The following ZNF462 variants were observed in gnomAD, a reference collection of about 807,000 sequenced individuals.
ZNF462 encodes the protein zinc finger PBX1-interacting protein.
In ZNF462, 10 loss-of-function variants were observed where a neutral mutation model predicts 201.9. The ratio of observed to expected loss-of-function variants is 0.05; its 90% CI spans 0.03 to 0.08. The LOEUF (loss-of-function observed/expected upper bound fraction) is 0.08. ZNF462 is among the 10% of genes least tolerant of loss of function. The pLI is 1.00. For synonymous variants in ZNF462, 1,227 were observed against 1,193.3 expected (o/e 1.03, Z -0.58); for missense variants, 2,523 against 3,168.3 (o/e 0.80, Z 4.89).
rs1175492056 is a variant in ZNF462 at position 107,008,111 on chromosome 9, T to A, written c.7190-1434T>A. On this transcript the variant is annotated intron_variant, in intron 11 of 12. Coordinates refer to ENST00000277225, the MANE Select transcript of ZNF462 (RefSeq NM_021224.6). This position sits in a 1 kb window ranked among gnomAD's most constrained non-coding sequence, Gnocchi z 4.8. ...AATCCAGGCATGAAGAAATCAAAATTAACCCAAGCAGAATCCTCCCCACCC... is the reference window on the plus strand; with the variant it reads ...AATCCAGGCATGAAGAAATCAAAATAAACCCAAGCAGAATCCTCCCCACCC... Among the ~76,000 whole-genome samples, 1 of 151,914 alleles carries A rather than the reference T, an allele frequency of 6.6e-6. No individual in the cohort carries two copies. Among genetic ancestry groups the A allele is most frequent in the East Asian group, 1.9e-4 (1 of 5,164 alleles).
Position 106,926,503 on chromosome 9 carries a change from G to A in ZNF462, c.2591G>A (p.Arg864Gln). The change falls in exon 3 of 13, where the codon CGA (arginine) becomes CAA (glutamine). Residue 864 changes from arginine to glutamine, a missense_variant. Physicochemically the swap from Arg to Gln is conservative, Grantham distance 43 (BLOSUM62 1). This residue lies in a region of ZNF462 where 11 missense variants were observed against 41.0 expected (regional missense o/e 0.27). Coordinates refer to ENST00000277225, the MANE Select transcript of ZNF462 (RefSeq NM_021224.6). The surrounding 1 kb of genome is among the most constrained non-coding windows in gnomAD (Gnocchi z 7.9). ...SARSVSTHYQRMHPYIKFSFR... is the reference protein window; with the variant it reads ...SARSVSTHYQQMHPYIKFSFR... ...CGGAGTGTTAGCACCCACTACCAAC[G>A]AATGCACCCATACATTAAATTCAGC... is the stretch of plus-strand genomic sequence containing the variant. The A allele has an allele frequency of 1.9e-6, 3 of 1,614,012 alleles. No homozygotes were observed. Among genetic ancestry groups the A allele is most frequent in the Non-Finnish European group, 2.5e-6 (3 of 1,180,012 alleles).
intron 6 of ZNF462, among the ~76,000 whole-genome samples, chr9:106,936,924 G>A (rs1830655823): frequency 1.3e-5 from 2 of 152,288 alleles, no homozygotes; most frequent in South Asian, 4.1e-4. Context: ...CAGGAAGAGA[G>A]CATCCAGTAA....
At chr9:106,878,671 C>T (rs1827947012) in intron 1 of ZNF462, among the ~76,000 whole-genome samples, 1 of 152,130 alleles carries the variant, frequency 6.6e-6, no homozygotes, top group Non-Finnish European at 1.5e-5. Context: ...CAGCCACATT[C>T]AAATAGCCTG....
chr9:106,979,582 G>A (rs934020147), intron 9 of ZNF462: 1 of 151,450 alleles, frequency 6.6e-6, no homozygotes, highest in Non-Finnish European at 1.5e-5. Flanking sequence ...GAAAGCTCTA[G>A]CATTGTTTTA....
In ZNF462 at chr9:106,929,219, C is replaced by T. The variant is rs1830326008; in HGVS notation, c.5307C>T (p.Cys1769=). 2 of 1,614,220 alleles carry T rather than the reference C, an allele frequency of 1.2e-6. No homozygotes were observed. The highest frequency in any genetic ancestry group is 8.5e-7 in the Non-Finnish European group (1 of 1,180,036). The change falls in exon 3 of 13, where the codon TGC becomes TGT. Residue 1769 remains cysteine, a synonymous_variant. Coordinates refer to ENST00000277225, the MANE Select transcript of ZNF462 (RefSeq NM_021224.6). The surrounding 1 kb of genome is among the most constrained non-coding windows in gnomAD (Gnocchi z 8.7). ...GGCGGGCAGTGGAGAAGAAAAAGTG[C>T]TCCTTGTGCTCTTTCCAGTCGTTCA... ...ELRRAVEKKK[C]SLCSFQSFSK... is the part of the protein sequence containing the mutation.
In ZNF462 at chr9:106,962,123, CAT is replaced by C. The variant is rs1831870968; in HGVS notation, c.6428-9880_6428-9879del. Among the ~76,000 whole-genome samples, 1 of 151,802 alleles carries C rather than the reference CAT, an allele frequency of 6.6e-6. No homozygotes were observed. The highest frequency in any genetic ancestry group is 1.5e-5 in the Non-Finnish European group (1 of 67,936). On this transcript the variant is annotated intron_variant, in intron 7 of 12. Transcript: ENST00000277225. This position sits in a 1 kb window ranked among gnomAD's most constrained non-coding sequence, Gnocchi z 4.6. ...TTTGCATTTTAGAAAAGAAAGGAAT[CAT>C]AGGGGGAGAAGAAACTGGAAAATGG...
intron 7 of ZNF462, among the ~76,000 whole-genome samples, chr9:106,944,230 G>A (rs1049909480): frequency 6.6e-6 from 1 of 152,168 alleles, no homozygotes. Context: ...AATATACAGT[G>A]TTTGGTTGCA....
Position 106,930,172 on chromosome 9 carries a change from G to A in ZNF462, c.5848-353G>A, listed in dbSNP as rs572030643. On this transcript the variant is annotated intron_variant, in intron 3 of 12. Transcript: ENST00000277225. The surrounding 1 kb of genome is among the most constrained non-coding windows in gnomAD (Gnocchi z 5.8). ...CTACATGAACCTAACGTCTCCAGGA[G>A]TAGATTTTATTTTATCAAGAAGTTC... Among the ~76,000 whole-genome samples, 8 of 152,288 alleles carry A rather than the reference G, an allele frequency of 5.3e-5. No individual in the cohort carries two copies. In the East Asian group the frequency reaches 7.7e-4, roughly 15 times the overall value.
In ZNF462 at chr9:106,927,371, A is replaced by G. The variant is rs1830238654; in HGVS notation, c.3459A>G (p.Thr1153=). The G allele has an allele frequency of 6.2e-7, 1 of 1,614,152 alleles. No homozygotes were observed. Among genetic ancestry groups the G allele is most frequent in the African/African-American group, 1.3e-5 (1 of 75,046 alleles). ...AATATATCAGACAGGCTCCTCCCAC[A>G]GCTGCAATGATGAGAGGGGTCGAAG... ...TAKYIRQAPP[T]AAMMRGVEGP... is the part of the protein sequence containing the mutation. Residue 1153 remains threonine, a synonymous_variant, in exon 3 of 13, where the codon ACA becomes ACG. Transcript: ENST00000277225.
intron 8 of ZNF462, among the ~76,000 whole-genome samples, chr9:106,973,446 A>G (rs1826745257): frequency 6.6e-6 from 1 of 152,222 alleles, no homozygotes. Context: ...TGGTGCTGAG[A>G]GAAGGCTAGA....
intron 6 of ZNF462, among the ~76,000 whole-genome samples, chr9:106,936,342 A>T (rs1313708236): frequency 6.6e-6 from 1 of 152,176 alleles, no homozygotes; most frequent in Non-Finnish European, 1.5e-5. Context: ...ATTGTGTCAC[A>T]TTCCTTGTGC....
At chr9:106,879,721 C>G (rs1314692430) in intron 1 of ZNF462, among the ~76,000 whole-genome samples, 3 of 152,102 alleles carry the variant, frequency 2.0e-5, no homozygotes, top group Non-Finnish European at 2.9e-5. Flanking sequence ...TCTGCAGAAG[C>G]TTAGCAATTA....
chr9:106,928,143 G>A lies in ZNF462; in HGVS notation c.4231G>A (p.Asp1411Asn). ...SVLLDIIKEKDAVEKPILSSE... is the reference protein window; with the variant it reads ...SVLLDIIKEKNAVEKPILSSE... Reference sequence around the variant, plus strand: ...GCTACTGGACATCATCAAGGAGAAAGATGCTGTGGAGAAGCCCATTCTTTC... The same window carrying A: ...GCTACTGGACATCATCAAGGAGAAAAATGCTGTGGAGAAGCCCATTCTTTC... The change falls in exon 3 of 13, where the codon GAT becomes AAT. Residue 1411 changes from aspartate to asparagine, a missense_variant. Asp to Asn is a conservative substitution (Grantham distance 23). This residue lies in a region of ZNF462 where 165 missense variants were observed against 142.6 expected (regional missense o/e 1.16). Coordinates refer to ENST00000277225, the MANE Select transcript of ZNF462 (RefSeq NM_021224.6). The surrounding 1 kb of genome is among the most constrained non-coding windows in gnomAD (Gnocchi z 9.3). The A allele has an allele frequency of 1.2e-6, 2 of 1,614,192 alleles. No homozygotes were observed. Among genetic ancestry groups the A allele is most frequent in the South Asian group, 2.2e-5 (2 of 91,076 alleles).
chr9:106,915,238 C>G (rs1011483537), intron 1 of ZNF462, among the ~76,000 whole-genome samples: 6 of 144,578 alleles, frequency 4.2e-5, no homozygotes, highest in Non-Finnish European at 9.0e-5. Flanking sequence ...AACAGCTCAA[C>G]AGTGGATATG....
At chr9:106,985,356 G>A (rs1178727949) in intron 10 of ZNF462, among the ~76,000 whole-genome samples, 1 of 152,078 alleles carries the variant, frequency 6.6e-6, no homozygotes, top group Non-Finnish European at 1.5e-5. Flanking sequence ...AAGGAGACTC[G>A]AGAATGAATA....
In ZNF462 at chr9:106,932,606, G is replaced by A. The variant is rs1830470118; in HGVS notation, c.6116+57G>A. On this transcript the variant is annotated intron_variant, in intron 5 of 12. Transcript: ENST00000277225. The surrounding 1 kb of genome is among the most constrained non-coding windows in gnomAD (Gnocchi z 6.8). ...CTGGGAGATGATGTCATAGTGGAAG[G>A]CACTAAGCTAAAGCAGAAGCTTGGA... 7.5e-6 allele frequency: 12 copies of A among 1,610,438 alleles called. No individual in the cohort carries two copies. The highest frequency in any genetic ancestry group is 3.3e-5 in the Admixed American group (2 of 59,720).
At position 106,974,993 on chromosome 9, in the gene ZNF462, T is replaced by G. The variant is rs1277566017; in HGVS notation, c.6832+720T>G. On this transcript the variant is annotated intron_variant, in intron 9 of 12. Transcript: ENST00000277225. This position sits in a 1 kb window ranked among gnomAD's most constrained non-coding sequence, Gnocchi z 4.0. Reference sequence around the variant, plus strand: ...GATAAACAGTGATACTTCTTTTAAGTCCACTTCGGTCTTTCTTTGAGTTGC... The same window carrying G: ...GATAAACAGTGATACTTCTTTTAAGGCCACTTCGGTCTTTCTTTGAGTTGC... The G allele has an allele frequency of 1.3e-5, 2 of 152,230 alleles. No homozygotes were observed. Among genetic ancestry groups the G allele is most frequent in the Non-Finnish European group, 2.9e-5 (2 of 68,056 alleles). 9.4% of individuals were successfully genotyped at this position (152,230 alleles called of 1,614,324 possible).
rs1326312751 is a variant in ZNF462 at position 107,013,442 on chromosome 9, G to A, written c.*2412G>A. 1 of 152,044 alleles carries A rather than the reference G, an allele frequency of 6.6e-6. No individual in the cohort carries two copies. Among genetic ancestry groups the A allele is most frequent in the Non-Finnish European group, 1.5e-5 (1 of 68,012 alleles). 9.4% of individuals were successfully genotyped at this position (152,044 alleles called of 1,614,324 possible). On this transcript the variant is annotated 3_prime_UTR_variant, in exon 13 of 13. Coordinates refer to ENST00000277225, the MANE Select transcript of ZNF462 (RefSeq NM_021224.6). Reference sequence around the variant, plus strand: ...GAGAGAAGAAAATAAATAGCAAAATGATAACCTATTGACTCCAGTAATCAG... The same window carrying A: ...GAGAGAAGAAAATAAATAGCAAAATAATAACCTATTGACTCCAGTAATCAG...
At chr9:106,864,040 C>T (rs1427930712) in intron 1 of ZNF462, among the ~76,000 whole-genome samples, 1 of 13,376 alleles carries the variant, frequency 7.5e-5, no homozygotes, top group Non-Finnish European at 1.6e-4. Context: ...AGGTATTTGG[C>T]TCTCTCTCTC....
Sources: gnomAD v4.1 joint callset for allele counts (sites outside exome capture counted in the v4.1 genomes callset) on GRCh38, gnomAD v4.1.1 for gene constraint, gnomAD v4.1.1 regional missense constraint, Gnocchi (gnomAD v3.1) non-coding constraint, MANE v1.5 for transcripts, NCBI Gene and HGNC (gene_info 2026-07-23, HGNC 2026-07-21) for gene names.